Variants in ZNF503 observed in about 807,000 individuals in gnomAD.
The protein encoded by ZNF503 is zinc finger protein 503, also known as NocA-like zinc finger 2.
A neutral mutation model predicts 34.4 loss-of-function variants in ZNF503; 15 were observed. The observed-to-expected ratio is 0.44, with a 90% confidence interval of 0.29 to 0.67. ZNF503 has a LOEUF of 0.67. Among genes scored for constraint, ZNF503 ranks in the 30% least tolerant of loss-of-function variants. The probability of loss-of-function intolerance (pLI) is 0.13; values close to 1 mark genes in which losing one functional copy is unlikely to be tolerated. For missense variants in ZNF503, 1,007 were observed against 926.8 expected (o/e 1.09, Z -1.12); for synonymous variants, 580 against 456.8 (o/e 1.27, Z -3.44).
the ZNF503 span, among the ~76,000 whole-genome samples, chr10:75,324,063 T>G: frequency 9.7e-5 from 6 of 61,610 alleles, no homozygotes. Context: ...TTATACATTT[T>G]ATATGCGTTT....
At chr10:75,333,462 A>T in the ZNF503 span, among the ~76,000 whole-genome samples, 4 of 39,170 alleles carry the variant, frequency 1.0e-4, no homozygotes, top group Admixed American at 4.8e-4. Flanking sequence ...CGGGGGGCTG[A>T]CCCCCCCACC....
the ZNF503 span, among the ~76,000 whole-genome samples, chr10:75,338,998 CG>C: frequency 2.6e-5 from 4 of 152,048 alleles, no homozygotes; most frequent in African/African-American, 7.2e-5. Flanking sequence ...GAGGCCGAGG[CG>C]GGTGGATTGC....
chr10:75,384,599 G>A, the ZNF503 span, among the ~76,000 whole-genome samples: 4 of 152,044 alleles, frequency 2.6e-5, no homozygotes, highest in Non-Finnish European at 5.9e-5. Flanking sequence ...CCCTAGCTGG[G>A]TAGCTACCCA....
the ZNF503 span, among the ~76,000 whole-genome samples, chr10:75,311,934 G>A: frequency 6.6e-6 from 1 of 151,566 alleles, no homozygotes; most frequent in Admixed American, 6.6e-5. Context: ...TAGTAGAAGT[G>A]GGGTTTTGCC....
Position 75,398,865 on chromosome 10 carries a change from G to A in ZNF503, c.1825C>T (p.Pro609Ser). The A allele has an allele frequency of 6.6e-7, 1 of 1,514,840 alleles. No individual in the cohort carries two copies. The highest frequency in any genetic ancestry group is 8.8e-7 in the Non-Finnish European group (1 of 1,136,104). 93.8% of individuals were successfully genotyped at this position (1,514,840 alleles called of 1,614,324 possible). ...ACGGGGGCGCCAGGCGTGGGAAGCG[G>A]GCTCTTGGAGTAGGGGTGGTAGCGG... ...SSRYHPYSKS[P>S]LPTPGAPVPV... Residue 609 changes from proline to serine, a missense_variant, in exon 2 of 2, where the codon CCG (proline) becomes TCG (serine). Physicochemically the swap from Pro to Ser is moderately conservative, Grantham distance 74. Transcript: ENST00000372524.
At position 75,398,648 on chromosome 10, in the gene ZNF503, C is replaced by G. The variant is rs1843734071; in HGVS notation, c.*101G>C. The G allele has an allele frequency of 5.3e-6, 6 of 1,122,422 alleles. 1 individual carries two copies. Among genetic ancestry groups the G allele is most frequent in the Non-Finnish European group, 6.9e-6 (6 of 873,840 alleles). 69.5% of individuals were successfully genotyped at this position (1,122,422 alleles called of 1,614,324 possible). A position where few individuals can be genotyped will look rare whatever the true frequency, so the allele number is the denominator to read the frequency against. On this transcript the variant is annotated 3_prime_UTR_variant, in exon 2 of 2. Transcript: ENST00000372524. ...TTTCCTTTCGTGGCCCGAGTCCTCC[C>G]CACGCGCGGGTGTCAGCAGCCTGGG...
At chr10:75,293,839 G>A in the ZNF503 span, among the ~76,000 whole-genome samples, 1 of 152,178 alleles carries the variant, frequency 6.6e-6, no homozygotes, top group Non-Finnish European at 1.5e-5. Context: ...GCATCCTAAG[G>A]TGGAGACTTC....
At chr10:75,346,474 G>A in the ZNF503 span, among the ~76,000 whole-genome samples, 23 of 147,398 alleles carry the variant, frequency 1.6e-4, no homozygotes, top group African/African-American at 3.3e-4. Flanking sequence ...TCTGTCACCC[G>A]GGACAGAGTG....
chr10:75,348,703 G>A, the ZNF503 span, among the ~76,000 whole-genome samples: 6 of 151,116 alleles, frequency 4.0e-5, no homozygotes, highest in African/African-American at 1.5e-4. Context: ...TAGTAGAGAC[G>A]GGGTTTCACT....
rs550968069 is a variant in ZNF503 at position 75,400,500 on chromosome 10, G to T, written c.316-126C>A. 3 of 1,433,260 alleles carry T rather than the reference G, an allele frequency of 2.1e-6. No individual in the cohort carries two copies. The African/African-American group carries it at 4.3e-5, about 21-fold the overall frequency. 88.8% of individuals were successfully genotyped at this position (1,433,260 alleles called of 1,614,324 possible). A position where few individuals can be genotyped will look rare whatever the true frequency, so the allele number is the denominator to read the frequency against. On this transcript the variant is annotated intron_variant, in intron 1 of 1. Transcript: ENST00000372524. ...CCACGAAGATCCTCCCAGCCCCAAG[G>T]CGCAATTCTAGGCGGCACCCCCTCT...
the ZNF503 span, among the ~76,000 whole-genome samples, chr10:75,280,733 C>A: frequency 1.3e-5 from 2 of 152,112 alleles, no homozygotes; most frequent in Admixed American, 6.5e-5. Context: ...ACAGATACAA[C>A]TGATGATTCT....
At chr10:75,334,730 T>C in the ZNF503 span, among the ~76,000 whole-genome samples, 1 of 152,254 alleles carries the variant, frequency 6.6e-6, no homozygotes, top group African/African-American at 2.4e-5. Context: ...CTAGGTTCCT[T>C]TGCTTATGCC....
At chr10:75,364,582 C>T in the ZNF503 span, among the ~76,000 whole-genome samples, 1 of 152,068 alleles carries the variant, frequency 6.6e-6, no homozygotes, top group Admixed American at 6.5e-5. Flanking sequence ...AGACAGGCAT[C>T]CCCAGCAAAG....
Position 75,399,585 on chromosome 10 carries a change from C to T in ZNF503, c.1105G>A (p.Gly369Ser), listed in dbSNP as rs1233576323. The T allele has an allele frequency of 6.3e-7, 1 of 1,597,032 alleles. No homozygotes were observed. The highest frequency in any genetic ancestry group is 1.1e-5 in the South Asian group (1 of 90,942). The part of the protein sequence containing the change: ...YPGSLAGAYA[G>S]YPPQFLPHGV... ...TGTGGCAGGAACTGGGGCGGGTAGC[C>T]GGCGTAGGCCCCGGCCAGGCTGCCT... Residue 369 changes from glycine to serine, a missense_variant, in exon 2 of 2, where the codon GGC (glycine) becomes AGC (serine). Physicochemically the swap from Gly to Ser is moderately conservative, Grantham distance 56 (BLOSUM62 0). Transcript: ENST00000372524.
At chr10:75,332,494 T>C in the ZNF503 span, among the ~76,000 whole-genome samples, 3 of 150,478 alleles carry the variant, frequency 2.0e-5, no homozygotes, top group African/African-American at 4.9e-5. Flanking sequence ...TTTATTTTTT[T>C]ATTGATAATT....
At chr10:75,393,644 G>A (rs183811275), downstream of ZNF503, among the ~76,000 whole-genome samples, 4 of 152,158 alleles carry the variant, frequency 2.6e-5, no homozygotes, top group African/African-American at 9.7e-5. Flanking sequence ...GTCACTTGAG[G>A]TCAGGAGTTT....
chr10:75,366,118 C>G, the ZNF503 span, among the ~76,000 whole-genome samples: 1 of 152,202 alleles, frequency 6.6e-6, no homozygotes, highest in East Asian at 1.9e-4. Context: ...CATAGGTAAT[C>G]TGTGCCCCCC....
the ZNF503 span, among the ~76,000 whole-genome samples, chr10:75,384,272 C>T: frequency 6.6e-6 from 1 of 152,088 alleles, no homozygotes; most frequent in African/African-American, 2.4e-5. Flanking sequence ...CATACACACA[C>T]TGATAATCTC....
At chr10:75,296,468 T>C in the ZNF503 span, 4 of 149,616 alleles carry the variant, frequency 2.7e-5, no homozygotes, top group East Asian at 7.9e-4. Flanking sequence ...TGGCCCACTC[T>C]TTCTGGGCCA....
Sources: gnomAD v4.1 joint callset for allele counts (sites outside exome capture counted in the v4.1 genomes callset) on GRCh38, gnomAD v4.1.1 for gene constraint, MANE v1.5 for transcripts, NCBI Gene and HGNC (gene_info 2026-07-23, HGNC 2026-07-21) for gene names.